PRKG1: variants seen among roughly 807,000 people sequenced by gnomAD.
The protein encoded by PRKG1 is cGMP-dependent protein kinase 1.
PRKG1 carries 35 observed loss-of-function variants against 88.1 expected under a neutral mutation model. The ratio of observed to expected loss-of-function variants is 0.40; its 90% CI spans 0.30 to 0.53. The LOEUF (loss-of-function observed/expected upper bound fraction) is 0.53. PRKG1 is among the 20% of genes least tolerant of loss of function. The pLI is 0.59. For missense variants in PRKG1, 540 were observed against 839.8 expected (o/e 0.64, Z 4.41); for synonymous variants, 303 against 292.5 (o/e 1.04, Z -0.37).
intron 1 of PRKG1, among the ~76,000 whole-genome samples, chr10:51,137,290 C>A (rs556155536): frequency 6.6e-6 from 1 of 152,212 alleles, no homozygotes; most frequent in East Asian, 1.9e-4. Flanking sequence ...TTAGGTTTAA[C>A]AAGATCCAAA....
chr10:51,836,594 G>A (rs1000717005), intron 4 of PRKG1, among the ~76,000 whole-genome samples: 1 of 152,040 alleles, frequency 6.6e-6, no homozygotes, highest in East Asian at 1.9e-4. Context: ...TTTTGCATAA[G>A]GAGTGAGACA....
At chr10:52,293,778 A>G (rs774332058) in intron 17 of PRKG1, 24 bp from the exon 18 acceptor site, 1 of 1,591,960 alleles carries the variant, frequency 6.3e-7, no homozygotes, top group Non-Finnish European at 8.6e-7. Flanking sequence ...AATCCACTAA[A>G]AAAAACCTGT....
intron 2 of PRKG1, among the ~76,000 whole-genome samples, chr10:51,464,046 C>T (rs1056299649): frequency 6.6e-6 from 1 of 151,758 alleles, no homozygotes; most frequent in African/African-American, 2.4e-5. Flanking sequence ...CCAAGGTGGG[C>T]GGATCACGAG....
intron 2 of PRKG1, among the ~76,000 whole-genome samples, chr10:51,378,039 T>C (rs913031661): frequency 1.2e-4 from 18 of 152,266 alleles, no homozygotes; most frequent in African/African-American, 4.1e-4. Context: ...GTACATTTCT[T>C]ACCAGGCTCC....
intron 2 of PRKG1, among the ~76,000 whole-genome samples, chr10:51,159,821 GA>G (rs1846315459): frequency 6.6e-6 from 1 of 151,916 alleles, no homozygotes; most frequent in Non-Finnish European, 1.5e-5. Flanking sequence ...TCACATGGAG[GA>G]AAAAAGGGAA....
chr10:51,778,449 A>G (rs1838498529), intron 3 of PRKG1, among the ~76,000 whole-genome samples: 1 of 152,188 alleles, frequency 6.6e-6, no homozygotes, highest in South Asian at 2.1e-4. Flanking sequence ...GGGTGCTTCT[A>G]AGGCAGCAGA....
rs1483925148 is a variant in PRKG1 at position 52,132,177 on chromosome 10, A to C, written c.936-1663A>C. On this transcript the variant is annotated intron_variant, in intron 7 of 17. Transcript: ENST00000373980. ...AAGTAGAAAGTCATGCCATGTTCTT[A>C]TATGGAAAAAGTAATATCATCAGAA... 1.3e-5 allele frequency among the ~76,000 whole-genome samples: 2 copies of C among 152,168 alleles called. 1 individual carries two copies. Among genetic ancestry groups the C allele is most frequent in the South Asian group, 4.1e-4 (2 of 4,832 alleles).
intron 3 of PRKG1, among the ~76,000 whole-genome samples, chr10:51,618,988 G>T (rs1380490937): frequency 2.0e-5 from 3 of 149,810 alleles, no homozygotes; most frequent in Non-Finnish European, 3.0e-5. Context: ...TGTTGGCCAG[G>T]CTGGTCTCCA....
intron 3 of PRKG1, among the ~76,000 whole-genome samples, chr10:51,611,070 A>C (rs1366478242): frequency 6.6e-6 from 1 of 151,930 alleles, no homozygotes; most frequent in African/African-American, 2.4e-5. Context: ...AAAAAAAAGT[A>C]GTGCTGCAAT....
In PRKG1 at chr10:51,806,400, A is replaced by ATG. The variant is rs1036228287; in HGVS notation, c.698+1722_698+1723dup. 8.5e-5 allele frequency among the ~76,000 whole-genome samples: 13 copies of ATG among 152,172 alleles called. No homozygotes were observed. The East Asian group carries it at 1.5e-3, about 18-fold the overall frequency. On this transcript the variant is annotated intron_variant, in intron 4 of 17. Transcript: ENST00000373980. ...TCAATCTGTGCATACGCACGTGTGT[A>ATG]TGTGTGTGTGTGTTTTCAAATTCAA...
intron 3 of PRKG1, among the ~76,000 whole-genome samples, chr10:51,757,433 G>T (rs2132520689): frequency 6.6e-6 from 1 of 152,204 alleles, no homozygotes; most frequent in South Asian, 2.1e-4. Flanking sequence ...AAAGAAGTAA[G>T]AAATAATGAG....
At chr10:51,896,428 G>T (rs1841847427) in intron 4 of PRKG1, among the ~76,000 whole-genome samples, 5 of 151,796 alleles carry the variant, frequency 3.3e-5, no homozygotes. Context: ...AGAATCTGAG[G>T]CCTGGCATGG....
intron 3 of PRKG1, among the ~76,000 whole-genome samples, chr10:51,532,966 C>T (rs1052564492): frequency 6.6e-6 from 1 of 152,030 alleles, no homozygotes; most frequent in Non-Finnish European, 1.5e-5. Flanking sequence ...TATTTATTAG[C>T]AATGACCTAA....
At chr10:51,297,656 G>C (rs887960491) in intron 2 of PRKG1, among the ~76,000 whole-genome samples, 6 of 152,084 alleles carry the variant, frequency 3.9e-5, no homozygotes, top group African/African-American at 1.4e-4. Flanking sequence ...AGGAATGGTA[G>C]AACTTTTGTT....
intron 2 of PRKG1, among the ~76,000 whole-genome samples, chr10:51,284,896 CT>C (rs537910719): frequency 3.7e-3 from 179 of 47,838 alleles, no homozygotes; most frequent in African/African-American, 8.5e-3. Flanking sequence ...TTAAGCTATT[CT>C]TTTTTTTTTT....
intron 5 of PRKG1, among the ~76,000 whole-genome samples, chr10:52,052,504 T>C (rs1442433594): frequency 6.6e-6 from 1 of 152,004 alleles, no homozygotes; most frequent in Non-Finnish European, 1.5e-5. Context: ...GAGGCTGTAT[T>C]AGTTCATTCT....
intron 5 of PRKG1, among the ~76,000 whole-genome samples, chr10:52,029,305 T>C (rs1845421146): frequency 6.6e-6 from 1 of 152,216 alleles, no homozygotes; most frequent in Admixed American, 6.5e-5. Flanking sequence ...TGTTTCATCT[T>C]GTTTGACTTC....
At chr10:52,121,333 C>A (rs1200334396) in intron 7 of PRKG1, among the ~76,000 whole-genome samples, 2 of 152,298 alleles carry the variant, frequency 1.3e-5, no homozygotes, top group African/African-American at 4.8e-5. Flanking sequence ...TTCCTTCCAT[C>A]CATATTACTA....
chr10:51,367,080 T>C (rs1842606171), intron 2 of PRKG1, among the ~76,000 whole-genome samples: 1 of 151,970 alleles, frequency 6.6e-6, no homozygotes, highest in Non-Finnish European at 1.5e-5. Flanking sequence ...CCCATTTGTT[T>C]TACTAGGTTT....
Sources: allele counts gnomAD v4.1 joint callset (sites outside exome capture counted in the v4.1 genomes callset), GRCh38; gene constraint gnomAD v4.1.1; transcripts MANE v1.5; gene names NCBI Gene and HGNC (gene_info 2026-07-23, HGNC 2026-07-21).